Variants in PPP1R14C observed in about 807,000 individuals in gnomAD.
PPP1R14C encodes protein phosphatase 1 regulatory inhibitor subunit 14C.
A neutral mutation model predicts 20.4 loss-of-function variants in PPP1R14C; 16 were observed. The ratio of observed to expected loss-of-function variants is 0.78; its 90% CI spans 0.53 to 1.19. The LOEUF is 1.19. Among genes scored for constraint, PPP1R14C ranks in the 50% most tolerant of loss-of-function variants. The pLI is 0.00. For missense variants in PPP1R14C, 211 were observed against 220.1 expected (o/e 0.96, Z 0.26); for synonymous variants, 91 against 91.0 (o/e 1.00, Z 0.00).
At chr6:150,167,088 C>T (rs541059944) in intron 1 of PPP1R14C, among the ~76,000 whole-genome samples, 10 of 152,102 alleles carry the variant, frequency 6.6e-5, no homozygotes, top group East Asian at 1.9e-4. Context: ...AACATTAGGC[C>T]GGGCGCGGTG....
chr6:150,168,619 T>G lies in PPP1R14C; in HGVS notation c.306+25121T>G, dbSNP rs940863412. On this transcript the variant is annotated intron_variant, in intron 1 of 3. Transcript: ENST00000361131. ...CCTTAGTGTAAGTCCTCGCCATGGT[T>G]GATTTCAGGTGACCATTGTGAAGTC... Among the ~76,000 whole-genome samples, 3 of 152,142 alleles carry G rather than the reference T, an allele frequency of 2.0e-5. 1 individual carries two copies. The South Asian group carries it at 6.2e-4, about 32-fold the overall frequency.
intron 1 of PPP1R14C, among the ~76,000 whole-genome samples, chr6:150,180,994 G>C (rs1362723120): frequency 6.6e-6 from 1 of 152,208 alleles, no homozygotes; most frequent in East Asian, 1.9e-4. Context: ...AACTGGATGA[G>C]AGAAAGGTAG....
At chr6:150,167,778 T>C (rs541181327) in intron 1 of PPP1R14C, among the ~76,000 whole-genome samples, 1 of 152,260 alleles carries the variant, frequency 6.6e-6, no homozygotes, top group Admixed American at 6.5e-5. Flanking sequence ...AGGAGTGACC[T>C]GAGCCATTCA....
rs964241092 is a variant in PPP1R14C, at chr6:150,249,153, T to G, written c.*333T>G. 1 of 405,180 alleles carries G rather than the reference T, an allele frequency of 2.5e-6. No homozygotes were observed. Among genetic ancestry groups the G allele is most frequent in the Non-Finnish European group, 4.3e-6 (1 of 230,312 alleles). 25.1% of individuals were successfully genotyped at this position (405,180 alleles called of 1,614,324 possible). ...GCAAGGACTCAGATGTTCAGTACCTTATGATACAGGGAAGATAGTTTTCTT... is the reference window on the plus strand; with the variant it reads ...GCAAGGACTCAGATGTTCAGTACCTGATGATACAGGGAAGATAGTTTTCTT... On this transcript the variant is annotated 3_prime_UTR_variant, in exon 4 of 4. Coordinates refer to ENST00000361131, the MANE Select transcript of PPP1R14C (RefSeq NM_030949.3).
At chr6:150,194,469 TGAAGA>T in intron 1 of PPP1R14C, 1 of 982,484 alleles carries the variant, frequency 1.0e-6, no homozygotes, top group Non-Finnish European at 1.2e-6. Flanking sequence ...TGTAATTTAG[TGAAGA>T]GAACCAAATA....
intron 3 of PPP1R14C, among the ~76,000 whole-genome samples, chr6:150,229,266 C>A (rs1021749468): frequency 1.3e-5 from 2 of 152,164 alleles, no homozygotes; most frequent in Non-Finnish European, 2.9e-5. Flanking sequence ...CCCTCATTGA[C>A]AATGAATGAG....
At chr6:150,160,333 C>T (rs1039775149) in intron 1 of PPP1R14C, among the ~76,000 whole-genome samples, 5 of 141,036 alleles carry the variant, frequency 3.5e-5, no homozygotes, top group Non-Finnish European at 6.0e-5. Flanking sequence ...GGCGCGATCT[C>T]GGCTCACTGC....
At chr6:150,147,498 G>A (rs965427972) in intron 1 of PPP1R14C, among the ~76,000 whole-genome samples, 25 of 152,128 alleles carry the variant, frequency 1.6e-4, no homozygotes, top group East Asian at 3.8e-4. Context: ...GTTTTTAAGA[G>A]CATTTGAAAT....
chr6:150,143,110 G>A lies in PPP1R14C; in HGVS notation c.-83G>A, dbSNP rs1777133078. On this transcript the variant is annotated 5_prime_UTR_variant, in exon 1 of 4. Transcript: ENST00000361131. The surrounding 1 kb of genome is among the most constrained non-coding windows in gnomAD (Gnocchi z 5.6). ...GCCGGGGAGCCCTTCGCATGCGGCT[G>A]CCGGGCCGGAGGTGGTAGCGGCGCC... 1 of 1,156,256 alleles carries A rather than the reference G, an allele frequency of 8.6e-7. No individual in the cohort carries two copies. Among genetic ancestry groups the A allele is most frequent in the East Asian group, 4.7e-5 (1 of 21,376 alleles). 71.6% of individuals were successfully genotyped at this position (1,156,256 alleles called of 1,614,324 possible). A position where few individuals can be genotyped will look rare whatever the true frequency, so the allele number is the denominator to read the frequency against.
chr6:150,234,742 A>G (rs1367910447), intron 3 of PPP1R14C, among the ~76,000 whole-genome samples: 2 of 150,130 alleles, frequency 1.3e-5, no homozygotes, highest in Non-Finnish European at 3.0e-5. Context: ...CCAGCTACTC[A>G]GGAGGCTGAG....
At position 150,214,809 on chromosome 6, in the gene PPP1R14C, G is replaced by A; in HGVS notation, c.372G>A (p.Glu124=). 1 of 1,610,870 alleles carries A rather than the reference G, an allele frequency of 6.2e-7. No individual in the cohort carries two copies. ...DDLLDADSDE[E]RASKLQEALV... Reference sequence around the variant, plus strand: ...TTCTTGATGCAGACAGTGATGAAGAGAGAGCTTCAAAATTACAGGTAAGCA... The same window carrying A: ...TTCTTGATGCAGACAGTGATGAAGAAAGAGCTTCAAAATTACAGGTAAGCA... Residue 124 remains glutamate (E), a synonymous_variant, in exon 2 of 4, where the codon GAG becomes GAA. Transcript: ENST00000361131.
chr6:150,190,860 T>C (rs1044128254), intron 1 of PPP1R14C, among the ~76,000 whole-genome samples: 5 of 152,166 alleles, frequency 3.3e-5, no homozygotes, highest in Non-Finnish European at 5.9e-5. Flanking sequence ...AGCCCCTACC[T>C]GCCCTCCCTT....
intron 3 of PPP1R14C, among the ~76,000 whole-genome samples, chr6:150,229,544 A>G (rs1778268402): frequency 6.6e-6 from 1 of 152,232 alleles, no homozygotes; most frequent in African/African-American, 2.4e-5. Flanking sequence ...GGGTAAAAAA[A>G]TAAATTAGCC....
At chr6:150,227,879 G>A (rs1407284182) in intron 3 of PPP1R14C, among the ~76,000 whole-genome samples, 2 of 152,174 alleles carry the variant, frequency 1.3e-5, no homozygotes, top group Non-Finnish European at 1.5e-5. Context: ...CCAGAAACAT[G>A]TGTAGCTTTA....
chr6:150,211,053 A>T (rs1180584573), intron 1 of PPP1R14C, among the ~76,000 whole-genome samples: 2 of 152,132 alleles, frequency 1.3e-5, no homozygotes. Flanking sequence ...AAATCCTGTC[A>T]TTCCGCAAGG....
chr6:150,226,590 C>T (rs1379271029), intron 3 of PPP1R14C, among the ~76,000 whole-genome samples: 1 of 152,040 alleles, frequency 6.6e-6, no homozygotes, highest in Non-Finnish European at 1.5e-5. Context: ...TCTGCCTTAC[C>T]GTCTGTTAGG....
chr6:150,157,205 G>C (rs1777315306), intron 1 of PPP1R14C, among the ~76,000 whole-genome samples: 1 of 152,196 alleles, frequency 6.6e-6, no homozygotes, highest in African/African-American at 2.4e-5. Flanking sequence ...AAAATATTTA[G>C]TAAAATGAAA....
chr6:150,212,393 G>A (rs1194797460), intron 1 of PPP1R14C, among the ~76,000 whole-genome samples: 5 of 152,188 alleles, frequency 3.3e-5, no homozygotes, highest in African/African-American at 9.7e-5. Context: ...ACAGAGAGCC[G>A]TGCACAGTCC....
At chr6:150,214,615 T>G in intron 1 of PPP1R14C, 129 bp from the exon 2 acceptor site, 7 of 551,424 alleles carry the variant, frequency 1.3e-5, no homozygotes, top group Admixed American at 3.1e-5. Flanking sequence ...AGCCTCTCCT[T>G]CCCCCTGCTT....
Sources: gnomAD v4.1 joint callset for allele counts (sites outside exome capture counted in the v4.1 genomes callset) on GRCh38, gnomAD v4.1.1 for gene constraint, Gnocchi (gnomAD v3.1) non-coding constraint, MANE v1.5 for transcripts, NCBI Gene and HGNC (gene_info 2026-07-23, HGNC 2026-07-21) for gene names.